The following TG variants were observed in gnomAD, a reference collection of about 807,000 sequenced individuals.
The protein encoded by TG is thyroglobulin.
In TG, 270 loss-of-function variants were observed where a neutral mutation model predicts 324.7. The ratio of observed to expected loss-of-function variants is 0.83; its 90% CI spans 0.75 to 0.92. TG has a LOEUF of 0.92. Ranked by LOEUF, TG falls within the 40% of genes least tolerant of loss-of-function variation. The pLI is 0.00. For missense variants in TG, 3,591 were observed against 3,456.4 expected, an observed-to-expected ratio of 1.04 and a Z score of -0.98; for synonymous variants, 1,401 against 1,327.0, an observed-to-expected ratio of 1.06 and a Z score of -1.21.
intron 7 of TG, 79 bp downstream of exon 7, chr8:132,882,691 G>A: frequency 6.2e-7 from 1 of 1,612,634 alleles, no homozygotes; most frequent in Admixed American, 1.7e-5. Context: ...TATGGTGTGT[G>A]TGGCTGCTCC....
At chr8:133,031,771 T>C (rs762775375) in intron 41 of TG, among the ~76,000 whole-genome samples, 6 of 152,188 alleles carry the variant, frequency 3.9e-5, no homozygotes, top group Non-Finnish European at 5.9e-5. Context: ...GAGCCTTTCA[T>C]GTTCCTTGGA....
intron 41 of TG, among the ~76,000 whole-genome samples, chr8:133,074,275 A>G (rs1269316169): frequency 2.0e-5 from 3 of 152,148 alleles, no homozygotes; most frequent in Admixed American, 6.5e-5. Flanking sequence ...AAGAAGATGC[A>G]TACAATCACA....
At chr8:133,080,490 C>G (rs1172731377) in intron 41 of TG, among the ~76,000 whole-genome samples, 2 of 152,240 alleles carry the variant, frequency 1.3e-5, no homozygotes, top group African/African-American at 4.8e-5. Flanking sequence ...CACCTCTCCC[C>G]GCCAATGCTC....
chr8:133,013,741 C>CCACCCA lies in TG; in HGVS notation c.6542_6547dup (p.Thr2181_His2182dup), dbSNP rs1020086661. ...TGCCGACTTCTGCTTCGTGAAGAGG[C>CCACCCA]CACCCACATCTACCGGAAGCCAGGT... On this transcript the variant is annotated inframe_insertion, in exon 37 of 48. Coordinates refer to ENST00000220616, the MANE Select transcript of TG (RefSeq NM_003235.5). 16 of 1,612,056 alleles carry CCACCCA rather than the reference C, an allele frequency of 9.9e-6. No homozygotes were observed. The highest frequency in any genetic ancestry group is 5.0e-5 in the Admixed American group (3 of 60,006).
intron 11 of TG, among the ~76,000 whole-genome samples, chr8:132,895,500 T>A (rs139583791): frequency 5.7e-4 from 87 of 152,388 alleles, no homozygotes; most frequent in African/African-American, 2.0e-3. Context: ...CAAGGCACTG[T>A]GTCTTATTCT....
chr8:132,979,320 C>T (rs1260862830), intron 34 of TG, among the ~76,000 whole-genome samples: 1 of 152,186 alleles, frequency 6.6e-6, no homozygotes, highest in Non-Finnish European at 1.5e-5. Flanking sequence ...GATCTGTTTA[C>T]AAAGTCAAAT....
chr8:132,895,891 A>G (rs188359224), intron 11 of TG, among the ~76,000 whole-genome samples: 3 of 152,340 alleles, frequency 2.0e-5, no homozygotes, highest in African/African-American at 7.2e-5. Context: ...TCGAGCTGAG[A>G]AGTTCCTCTC....
At chr8:132,948,666 C>T in intron 26 of TG, 110 bp from the exon 27 acceptor site, 1 of 1,181,216 alleles carries the variant, frequency 8.5e-7, no homozygotes, top group Non-Finnish European at 1.3e-6. Context: ...ATGTCTTCTC[C>T]TGAGACGCTG....
In TG at chr8:132,931,026, A is replaced by T. The variant is rs574750975; in HGVS notation, c.4816+1834A>T. Among the ~76,000 whole-genome samples the T allele has an allele frequency of 9.8e-5, 15 of 152,304 alleles. No homozygotes were observed. The South Asian group carries it at 1.5e-3, about 15-fold the overall frequency. ...TTGGGCTGCTGGGACAAAATACCGT[A>T]GACTGGGGGACTTAAACAACAAAAT... On this transcript the variant is annotated intron_variant, in intron 23 of 47. Coordinates refer to ENST00000220616, the MANE Select transcript of TG (RefSeq NM_003235.5).
At chr8:132,988,090 A>ACACG (rs1429364428) in intron 35 of TG, among the ~76,000 whole-genome samples, 4 of 151,632 alleles carry the variant, frequency 2.6e-5, no homozygotes, top group African/African-American at 9.7e-5. Context: ...ACACACACAC[A>ACACG]CACACACACA....
At chr8:132,982,535 G>T (rs1564034748) in intron 34 of TG, among the ~76,000 whole-genome samples, 1 of 152,156 alleles carries the variant, frequency 6.6e-6, no homozygotes, top group Non-Finnish European at 1.5e-5. Flanking sequence ...GGAAGTTAGA[G>T]GACTTGTTAC....
At chr8:132,894,251 G>A (rs866488757) in intron 11 of TG, among the ~76,000 whole-genome samples, 1 of 152,150 alleles carries the variant, frequency 6.6e-6, no homozygotes, top group Non-Finnish European at 1.5e-5. Context: ...CTTACGGCCT[G>A]CTCCAAAGCT....
chr8:133,088,122 T>C (rs1157581123), intron 41 of TG, among the ~76,000 whole-genome samples: 1 of 152,202 alleles, frequency 6.6e-6, no homozygotes, highest in East Asian at 1.9e-4. Context: ...TGCAGCACGG[T>C]TGTACATGTG....
At chr8:133,043,578 C>T (rs1189166740) in intron 41 of TG, among the ~76,000 whole-genome samples, 1 of 152,238 alleles carries the variant, frequency 6.6e-6, no homozygotes, top group East Asian at 1.9e-4. Flanking sequence ...AGCCCATATT[C>T]ACCCACCTCC....
chr8:132,903,747 G>A (rs1376096576), intron 16 of TG, among the ~76,000 whole-genome samples: 7 of 152,256 alleles, frequency 4.6e-5, no homozygotes, highest in Admixed American at 1.3e-4. Context: ...AGAGGCAGGC[G>A]GCAGACAGAC....
intron 37 of TG, chr8:133,017,549 G>A (rs976790524): frequency 1.0e-5 from 6 of 575,722 alleles, no homozygotes; most frequent in African/African-American, 7.5e-5. Context: ...TGCATTCTGT[G>A]CATTTTGGTG....
intron 44 of TG, among the ~76,000 whole-genome samples, chr8:133,116,029 C>G (rs1430933608): frequency 6.6e-6 from 1 of 152,010 alleles, no homozygotes; most frequent in African/African-American, 2.4e-5. Context: ...ACAATCCTTT[C>G]TCTTCCCAGT....
At chr8:132,966,256 A>AACTT (rs2130432554) in intron 29 of TG, among the ~76,000 whole-genome samples, 2 of 152,320 alleles carry the variant, frequency 1.3e-5, no homozygotes, top group South Asian at 4.1e-4. Context: ...CATTAGGTGA[A>AACTT]AAGGTGGACC....
At chr8:133,098,097 G>A (rs1848704889) in intron 43 of TG, among the ~76,000 whole-genome samples, 1 of 152,096 alleles carries the variant, frequency 6.6e-6, no homozygotes, top group Non-Finnish European at 1.5e-5. Flanking sequence ...ATACAGCATA[G>A]CCCTTACCCT....
Sources: gnomAD v4.1 joint callset for allele counts (sites outside exome capture counted in the v4.1 genomes callset) on GRCh38, gnomAD v4.1.1 for gene constraint, MANE v1.5 for transcripts, NCBI Gene and HGNC (gene_info 2026-07-23, HGNC 2026-07-21) for gene names.